RCSD1: variants seen among roughly 807,000 people sequenced by gnomAD.
RCSD1 encodes the protein RCSD domain containing 1.
In RCSD1, 26 loss-of-function variants were observed where a neutral mutation model predicts 42.5. The ratio of observed to expected loss-of-function variants is 0.61; its 90% CI spans 0.45 to 0.85. The LOEUF is 0.85. Ranked by LOEUF, RCSD1 falls within the 40% of genes least tolerant of loss-of-function variation. The probability of loss-of-function intolerance (pLI) is 0.00; values close to 1 mark genes in which losing one functional copy is unlikely to be tolerated. For missense variants in RCSD1, 571 were observed against 528.3 expected (o/e 1.08, Z -0.79); for synonymous variants, 220 against 212.2 (o/e 1.04, Z -0.32).
intron 1 of RCSD1, among the ~76,000 whole-genome samples, chr1:167,671,067 C>T (rs1345826440): frequency 6.6e-6 from 1 of 152,214 alleles, no homozygotes; most frequent in Non-Finnish European, 1.5e-5. Context: ...TGCTGAATCC[C>T]TATTCTCCGT....
intron 2 of RCSD1, among the ~76,000 whole-genome samples, chr1:167,684,801 G>C (rs1156596051): frequency 6.6e-6 from 1 of 152,214 alleles, no homozygotes; most frequent in African/African-American, 2.4e-5. Flanking sequence ...TTGAACCCAG[G>C]AGGTGGAGGT....
intron 5 of RCSD1, among the ~76,000 whole-genome samples, chr1:167,695,790 G>A (rs1387499072): frequency 6.6e-6 from 1 of 152,010 alleles, no homozygotes; most frequent in Non-Finnish European, 1.5e-5. Context: ...CAAAGTGCGA[G>A]GATTACAGGC....
chr1:167,665,542 T>C (rs1658637061), intron 1 of RCSD1, among the ~76,000 whole-genome samples: 5 of 152,220 alleles, frequency 3.3e-5, no homozygotes, highest in Admixed American at 3.3e-4. Context: ...GCTACCAAAA[T>C]ATTTTTCAAA....
chr1:167,633,255 G>T (rs1571663048), intron 1 of RCSD1, among the ~76,000 whole-genome samples: 1 of 152,260 alleles, frequency 6.6e-6, no homozygotes, highest in East Asian at 1.9e-4. Context: ...CCAATAAAGG[G>T]ACTATATCCT....
At chr1:167,702,344 AAAG>A (rs1659663371) in intron 6 of RCSD1, among the ~76,000 whole-genome samples, 1 of 152,254 alleles carries the variant, frequency 6.6e-6, no homozygotes, top group Non-Finnish European at 1.5e-5. Flanking sequence ...TATCGTACTG[AAAG>A]AAGGAGTCAT....
chr1:167,700,879 A>C (rs1233576536), intron 6 of RCSD1, among the ~76,000 whole-genome samples: 1 of 152,188 alleles, frequency 6.6e-6, no homozygotes, highest in Non-Finnish European at 1.5e-5. Context: ...CCTTGCCAAG[A>C]GACCTCCCCA....
At chr1:167,634,863 T>C (rs903703032) in intron 1 of RCSD1, among the ~76,000 whole-genome samples, 3 of 152,212 alleles carry the variant, frequency 2.0e-5, no homozygotes, top group Admixed American at 6.5e-5. Context: ...CCAGATCTTG[T>C]ATTTTAAATG....
intron 1 of RCSD1, among the ~76,000 whole-genome samples, chr1:167,680,832 G>T (rs1659064677): frequency 6.6e-6 from 1 of 152,246 alleles, no homozygotes; most frequent in South Asian, 2.1e-4. Flanking sequence ...CAGGAACAGA[G>T]AAAGAACATT....
At chr1:167,661,269 T>C (rs1658536004) in intron 1 of RCSD1, among the ~76,000 whole-genome samples, 1 of 152,150 alleles carries the variant, frequency 6.6e-6, no homozygotes, top group South Asian at 2.1e-4. Flanking sequence ...TTGTCCAGGG[T>C]CCCTGCCGTG....
At chr1:167,683,281 G>A (rs116601433) in intron 1 of RCSD1, among the ~76,000 whole-genome samples, 4,883 of 152,272 alleles carry the variant, frequency 0.032, 277 homozygotes, top group African/African-American at 0.11. Context: ...TGAGGGATGT[G>A]CTACAGCCAT....
intron 1 of RCSD1, among the ~76,000 whole-genome samples, chr1:167,671,309 T>C (rs1393492248): frequency 6.6e-6 from 1 of 152,220 alleles, no homozygotes; most frequent in Admixed American, 6.5e-5. Flanking sequence ...CAGTTCAACT[T>C]TTACTGAAGG....
At chr1:167,656,329 T>C (rs1484481403) in intron 1 of RCSD1, among the ~76,000 whole-genome samples, 1 of 152,200 alleles carries the variant, frequency 6.6e-6, no homozygotes, top group Non-Finnish European at 1.5e-5. Flanking sequence ...AGAACAATGG[T>C]ATAATGATAT....
intron 2 of RCSD1, among the ~76,000 whole-genome samples, chr1:167,684,515 G>T (rs972950876): frequency 7.3e-5 from 11 of 150,336 alleles, no homozygotes. Flanking sequence ...ACAAGGGAGG[G>T]TCTTAACTTT....
intron 1 of RCSD1, among the ~76,000 whole-genome samples, chr1:167,651,527 T>C (rs1658304947): frequency 1.3e-5 from 2 of 152,224 alleles, no homozygotes; most frequent in Non-Finnish European, 2.9e-5. Flanking sequence ...TGTCACCTCC[T>C]TCTGGGTCGA....
At chr1:167,683,763 A>T (rs1024993854) in intron 1 of RCSD1, 137 bp from the exon 2 acceptor site, 11 of 814,450 alleles carry the variant, frequency 1.4e-5, no homozygotes, top group Non-Finnish European at 1.8e-5. Context: ...AAGTCCTTGA[A>T]TGCAGGAGCC....
intron 6 of RCSD1, among the ~76,000 whole-genome samples, chr1:167,701,786 C>T (rs978255163): frequency 2.6e-5 from 4 of 152,166 alleles, no homozygotes; most frequent in Non-Finnish European, 2.9e-5. Flanking sequence ...GTCTCCAGTC[C>T]TCCCTGTTCC....
intron 3 of RCSD1, among the ~76,000 whole-genome samples, chr1:167,687,908 C>T (rs1659275100): frequency 6.6e-6 from 1 of 152,232 alleles, no homozygotes; most frequent in Non-Finnish European, 1.5e-5. Context: ...GATCCTGCCT[C>T]CTATACTCAG....
intron 4 of RCSD1, among the ~76,000 whole-genome samples, chr1:167,690,534 C>T (rs989261772): frequency 7.9e-5 from 12 of 152,032 alleles, no homozygotes; most frequent in Admixed American, 1.3e-4. Flanking sequence ...ATTAGCCAGG[C>T]ATGGTGATGT....
intron 2 of RCSD1, 99 bp downstream of exon 2, chr1:167,684,100 T>C (rs1659159322): frequency 3.2e-6 from 3 of 937,476 alleles, no homozygotes. Flanking sequence ...GGCTTGGTAG[T>C]TACCAAATTA....
Sources: allele counts gnomAD v4.1 joint callset (sites outside exome capture counted in the v4.1 genomes callset), GRCh38; gene constraint gnomAD v4.1.1; transcripts MANE v1.5; gene names NCBI Gene and HGNC (gene_info 2026-07-23, HGNC 2026-07-21).